The following PDE4D variants were observed in gnomAD, a reference collection of about 807,000 sequenced individuals.
PDE4D encodes the protein 3',5'-cyclic-AMP phosphodiesterase 4D.
PDE4D carries 24 observed loss-of-function variants against 87.4 expected under a neutral mutation model. The ratio of observed to expected loss-of-function variants is 0.27; its 90% CI spans 0.20 to 0.39. The LOEUF (loss-of-function observed/expected upper bound fraction) is 0.39. Ranked by LOEUF, PDE4D falls within the 10% of genes least tolerant of loss-of-function variation. The pLI is 1.00. For missense variants in PDE4D, 714 were observed against 1,041.0 expected (o/e 0.69, Z 4.32); for synonymous variants, 384 against 383.2 (o/e 1.00, Z -0.02).
chr5:59,349,739 CT>C (rs1305203575), intron 1 of PDE4D, among the ~76,000 whole-genome samples: 1 of 152,080 alleles, frequency 6.6e-6, no homozygotes, highest in East Asian at 1.9e-4. Context: ...TTTGGAGTGT[CT>C]TTTCTTCTTT....
intron 1 of PDE4D, among the ~76,000 whole-genome samples, chr5:59,860,027 C>T (rs1167088788): frequency 1.3e-5 from 2 of 152,166 alleles, no homozygotes; most frequent in African/African-American, 4.8e-5. Flanking sequence ...TTATACATTG[C>T]TCCATTTTCA....
chr5:60,247,635 A>G (rs939459826), intron 1 of PDE4D, among the ~76,000 whole-genome samples: 3 of 151,940 alleles, frequency 2.0e-5, no homozygotes, highest in Non-Finnish European at 2.9e-5. Context: ...CATGGATCCA[A>G]ATAAATCCTT....
chr5:58,977,222 C>T lies in PDE4D; in HGVS notation c.1676G>A (p.Arg559Lys). The T allele has an allele frequency of 6.2e-7, 1 of 1,612,228 alleles. No homozygotes were observed. Among genetic ancestry groups the T allele is most frequent in the Non-Finnish European group, 8.5e-7 (1 of 1,179,364 alleles). The change falls in exon 12 of 15, where the codon AGA becomes AAA. Residue 559 changes from arginine to lysine, a missense_variant. Coordinates refer to ENST00000340635, the MANE Select transcript of PDE4D (RefSeq NM_001104631.2). Reference protein sequence around the residue: ...DIFQNLTKKQRQSLRKMVIDI... With the variant: ...DIFQNLTKKQKQSLRKMVIDI... The stretch of plus-strand genomic sequence containing the variant: ...AATGACCATTTTCCTTAAAGATTGT[C>T]TTTGTTTTTTGGTCAAATTCTGGAA...
rs185725047 is a variant in PDE4D, at chr5:58,970,903, C to T, written c.*3761G>A. 5.4e-4 allele frequency: 76 copies of T among 139,464 alleles called. No homozygotes were observed. The highest frequency in any genetic ancestry group is 2.0e-3 in the African/African-American group (69 of 34,626). 8.6% of individuals were successfully genotyped at this position (139,464 alleles called of 1,614,324 possible). ...GAATATATTTCCCCAGTTGTGTTTC[C>T]GAGTTAAAAAAAAAAAAAAAGGAAA... On this transcript the variant is annotated 3_prime_UTR_variant, in exon 15 of 15. Coordinates refer to ENST00000340635, the MANE Select transcript of PDE4D (RefSeq NM_001104631.2).
chr5:59,842,335 T>C (rs16890276), intron 1 of PDE4D, among the ~76,000 whole-genome samples: 13,897 of 152,016 alleles, frequency 0.091, 769 homozygotes, highest in Middle Eastern at 0.17. Context: ...TAGGGAAATA[T>C]CACACCTCCT....
intron 5 of PDE4D, among the ~76,000 whole-genome samples, chr5:59,175,490 T>C (rs1169377302): frequency 7.2e-6 from 1 of 138,566 alleles, no homozygotes; most frequent in Non-Finnish European, 1.6e-5. Flanking sequence ...TTTTTTTTTT[T>C]TTTTTTTTTG....
In PDE4D at chr5:60,063,091, GAAAGAAGAAAGAAAGA is replaced by G. The variant is rs1484381275; in HGVS notation, c.43-74390_43-74375del. On this transcript the variant is annotated intron_variant, in intron 2 of 16. Coordinates refer to the PDE4D transcript ENST00000502484. ...AAAACTTAAAGAAGAAAGAAAGAAA[GAAAGAAGAAAGAAAGA>G]AAGAAAGAAAGAAAGAAAGAAAGAA... 7.9e-3 allele frequency among the ~76,000 whole-genome samples: 790 copies of G among 99,444 alleles called. 16 individuals are homozygous for G. Among genetic ancestry groups the G allele is most frequent in the African/African-American group, 0.029 (754 of 26,418 alleles). 65.2% of individuals were successfully genotyped at this position (99,444 alleles called of 152,430 possible). A position where few individuals can be genotyped will look rare whatever the true frequency, so the allele number is the denominator to read the frequency against.
chr5:59,337,007 C>T (rs1777777615), intron 1 of PDE4D, among the ~76,000 whole-genome samples: 1 of 152,222 alleles, frequency 6.6e-6, no homozygotes, highest in Non-Finnish European at 1.5e-5. Flanking sequence ...TTCAGCACTT[C>T]TTCATTTTTT....
At chr5:60,110,061 T>C (rs1181521074) in intron 2 of PDE4D, among the ~76,000 whole-genome samples, 1 of 152,104 alleles carries the variant, frequency 6.6e-6, no homozygotes, top group African/African-American at 2.4e-5. Flanking sequence ...GGTGGTTGCT[T>C]TTCTGGAATG....
At position 60,343,414 on chromosome 5, in the gene PDE4D, T is replaced by C. The variant is rs1304240983; in HGVS notation, c.-90+144528A>G. Among the ~76,000 whole-genome samples, 4 of 152,168 alleles carry C rather than the reference T, an allele frequency of 2.6e-5. No homozygotes were observed. The East Asian group carries it at 7.7e-4, about 29-fold the overall frequency. On this transcript the variant is annotated intron_variant, in intron 1 of 16. Transcript: ENST00000502484. ...CCTGTAAAGTACATTCACAAAGAGA[T>C]GTTGCTACTCTGCAAATGGCACCAA...
At chr5:59,965,828 A>G (rs1458916290) in intron 3 of PDE4D, among the ~76,000 whole-genome samples, 1 of 152,180 alleles carries the variant, frequency 6.6e-6, no homozygotes, top group Non-Finnish European at 1.5e-5. Context: ...AATGGTCTCC[A>G]TCTCCACTAC....
At chr5:59,691,491 G>A (rs1444982797) in intron 1 of PDE4D, among the ~76,000 whole-genome samples, 1 of 148,488 alleles carries the variant, frequency 6.7e-6, no homozygotes, top group East Asian at 2.0e-4. Flanking sequence ...AACACTGCAT[G>A]TTCTCAATCA....
At chr5:59,328,492 T>C (rs1312225599) in intron 1 of PDE4D, among the ~76,000 whole-genome samples, 1 of 152,170 alleles carries the variant, frequency 6.6e-6, no homozygotes, top group African/African-American at 2.4e-5. Context: ...CATATACATA[T>C]CAGAGGTTGG....
intron 5 of PDE4D, among the ~76,000 whole-genome samples, chr5:59,069,423 G>A (rs952833444): frequency 9.2e-5 from 14 of 152,060 alleles, no homozygotes; most frequent in Non-Finnish European, 2.1e-4. Context: ...AGTGGTGCTC[G>A]TACCAGCGTC....
intron 1 of PDE4D, among the ~76,000 whole-genome samples, chr5:59,644,992 A>C (rs180901009): frequency 6.6e-6 from 1 of 152,244 alleles, no homozygotes; most frequent in Non-Finnish European, 1.5e-5. Flanking sequence ...AGATTATGCT[A>C]TTCAATGACT....
At chr5:60,144,926 A>C (rs1780866535) in intron 2 of PDE4D, among the ~76,000 whole-genome samples, 1 of 152,220 alleles carries the variant, frequency 6.6e-6, no homozygotes, top group Non-Finnish European at 1.5e-5. Context: ...GAATTATTTC[A>C]GTATTGAAAT....
At chr5:59,731,407 AAAG>A (rs1429622519) in intron 1 of PDE4D, among the ~76,000 whole-genome samples, 1 of 152,112 alleles carries the variant, frequency 6.6e-6, no homozygotes, top group East Asian at 1.9e-4. Flanking sequence ...GGCACAGAAG[AAAG>A]AATAAAAGGA....
intron 9 of PDE4D, among the ~76,000 whole-genome samples, chr5:58,990,392 G>A (rs575100091): frequency 7.0e-4 from 106 of 152,228 alleles, no homozygotes; most frequent in African/African-American, 2.2e-3. Context: ...AAATGGATAT[G>A]AAGAAAGAAG....
chr5:59,364,958 GC>G (rs1782820884), intron 1 of PDE4D, among the ~76,000 whole-genome samples: 1 of 151,988 alleles, frequency 6.6e-6, no homozygotes, highest in Non-Finnish European at 1.5e-5. Flanking sequence ...TATGCCAGCT[GC>G]CTGCTAGTAG....
Sources: gnomAD v4.1 joint callset for allele counts (sites outside exome capture counted in the v4.1 genomes callset) on GRCh38, gnomAD v4.1.1 for gene constraint, MANE v1.5 for transcripts, NCBI Gene and HGNC (gene_info 2026-07-23, HGNC 2026-07-21) for gene names.